Variants in SOHLH2 observed in about 807,000 individuals in gnomAD.
The protein encoded by SOHLH2 is spermatogenesis- and oogenesis-specific basic helix-loop-helix-containing protein 2.
SOHLH2 carries 22 observed loss-of-function variants against 50.4 expected under a neutral mutation model. The observed-to-expected ratio is 0.44, with a 90% confidence interval of 0.31 to 0.62. The LOEUF (loss-of-function observed/expected upper bound fraction) is 0.62. SOHLH2 is among the 20% of genes least tolerant of loss of function. SOHLH2 has a pLI of 0.08. For missense variants in SOHLH2, 412 were observed against 504.4 expected (o/e 0.82, Z 1.76); for synonymous variants, 185 against 187.3 (o/e 0.99, Z 0.10).
intron 1 of SOHLH2, among the ~76,000 whole-genome samples, chr13:36,204,975 T>C (rs1313872106): frequency 6.6e-6 from 1 of 152,234 alleles, no homozygotes; most frequent in Non-Finnish European, 1.5e-5. Flanking sequence ...TGTCCTAGCA[T>C]GTATTCCCAG....
intron 6 of SOHLH2, among the ~76,000 whole-genome samples, chr13:36,185,587 C>T (rs1476266273): frequency 1.3e-5 from 2 of 151,832 alleles, no homozygotes; most frequent in Non-Finnish European, 2.9e-5. Flanking sequence ...ATCTGCTTCA[C>T]TGAAAAAAAA....
At chr13:36,202,525 T>C (rs995656159) in intron 1 of SOHLH2, among the ~76,000 whole-genome samples, 4 of 152,236 alleles carry the variant, frequency 2.6e-5, no homozygotes, top group African/African-American at 9.6e-5. Context: ...CAGAGAAAGA[T>C]TTAAATTCCT....
chr13:36,197,536 C>T (rs749351748), intron 2 of SOHLH2, among the ~76,000 whole-genome samples: 5 of 152,118 alleles, frequency 3.3e-5, no homozygotes, highest in African/African-American at 1.2e-4. Context: ...ATGAAGCCTG[C>T]GGAAATTTCT....
chr13:36,181,664 C>A (rs758762316), intron 6 of SOHLH2, among the ~76,000 whole-genome samples: 1 of 152,120 alleles, frequency 6.6e-6, no homozygotes, highest in Admixed American at 6.5e-5. Flanking sequence ...ATGTTATAAA[C>A]CCCATGATAC....
At chr13:36,177,336 C>G (rs1487886135) in intron 6 of SOHLH2, among the ~76,000 whole-genome samples, 1 of 152,042 alleles carries the variant, frequency 6.6e-6, no homozygotes, top group Non-Finnish European at 1.5e-5. Flanking sequence ...TTGATGAACA[C>G]TTGGGCTGTT....
chr13:36,174,360 C>T (rs756416592), intron 8 of SOHLH2, 116 bp downstream of exon 8: 44 of 1,369,422 alleles, frequency 3.2e-5, no homozygotes, highest in Non-Finnish European at 3.5e-5. Context: ...AGTTCGCTGA[C>T]CCTTAATAAG....
chr13:36,205,148 C>T (rs1868673190), intron 1 of SOHLH2, among the ~76,000 whole-genome samples: 1 of 152,190 alleles, frequency 6.6e-6, no homozygotes, highest in Non-Finnish European at 1.5e-5. Context: ...ATAGTACTCT[C>T]TGTTCAGTTC....
intron 1 of SOHLH2, 91 bp from the exon 2 acceptor site, chr13:36,202,184 CAAAT>C: frequency 6.8e-7 from 1 of 1,461,428 alleles, no homozygotes; most frequent in Non-Finnish European, 9.3e-7. Context: ...ATAAAGCTCA[CAAAT>C]AACACAACAA....
At chr13:36,191,552 T>G (rs781039729) in intron 5 of SOHLH2, among the ~76,000 whole-genome samples, 7 of 152,226 alleles carry the variant, frequency 4.6e-5, no homozygotes, top group Non-Finnish European at 8.8e-5. Flanking sequence ...ACTCTAATAC[T>G]GATCATATTC....
chr13:36,198,403 C>T (rs551758371), intron 2 of SOHLH2, among the ~76,000 whole-genome samples: 1 of 152,156 alleles, frequency 6.6e-6, no homozygotes, highest in Non-Finnish European at 1.5e-5. Context: ...AAAACTTATC[C>T]AAGCCAAGAG....
At chr13:36,169,760 T>G (rs1886911850) in intron 10 of SOHLH2, among the ~76,000 whole-genome samples, 1 of 152,220 alleles carries the variant, frequency 6.6e-6, no homozygotes, top group Admixed American at 6.5e-5. Context: ...GGACTGCTCT[T>G]GCCTACTCAC....
At position 36,173,326 on chromosome 13, in the gene SOHLH2, G is replaced by T. The variant is rs528916656; in HGVS notation, c.1000+366C>A. On this transcript the variant is annotated intron_variant, in intron 9 of 10. Coordinates refer to ENST00000379881, the MANE Select transcript of SOHLH2 (RefSeq NM_017826.3). ...AGAAGATCTCTTTGAGAGGTGACAT[G>T]CAAGCAAAGGCATGAAGGAGGTAAA... 3.3e-5 allele frequency among the ~76,000 whole-genome samples: 5 copies of T among 152,294 alleles called. No homozygotes were observed. The South Asian group carries it at 1.0e-3, about 32-fold the overall frequency.
At chr13:36,188,809 C>T (rs778778235) in intron 6 of SOHLH2, among the ~76,000 whole-genome samples, 1 of 152,148 alleles carries the variant, frequency 6.6e-6, no homozygotes, top group African/African-American at 2.4e-5. Context: ...CCCTTCTCTA[C>T]GTGCTTCCCA....
intron 5 of SOHLH2, 95 bp downstream of exon 5, chr13:36,191,700 A>T: frequency 6.9e-7 from 1 of 1,443,578 alleles, no homozygotes; most frequent in Non-Finnish European, 9.6e-7. Flanking sequence ...AGGATTCTTA[A>T]GTACAGCAAA....
intron 6 of SOHLH2, chr13:36,182,789 A>T (rs1229857977): frequency 2.0e-5 from 3 of 152,238 alleles, no homozygotes; most frequent in African/African-American, 7.2e-5. Flanking sequence ...TCCACTACCA[A>T]GTTTCAGAGT....
At chr13:36,211,822 A>G (rs1869141663) in intron 1 of SOHLH2, among the ~76,000 whole-genome samples, 1 of 152,230 alleles carries the variant, frequency 6.6e-6, no homozygotes, top group Admixed American at 6.5e-5. Context: ...AGAACACAGA[A>G]AACGTCAAAT....
Position 36,181,149 on chromosome 13 carries a change from CAA to C in SOHLH2, c.642-6282_642-6281del, listed in dbSNP as rs1644897285. 2.0e-5 allele frequency among the ~76,000 whole-genome samples: 3 copies of C among 152,284 alleles called. No individual in the cohort carries two copies. In the South Asian group the frequency reaches 6.2e-4, roughly 32 times the overall value. Reference sequence around the variant, plus strand: ...TACCGCAGGTAATACTGTTTGTCTTCAAGTCTACTTTATTTGATATTAAAATA... The same window carrying C: ...TACCGCAGGTAATACTGTTTGTCTTCGTCTACTTTATTTGATATTAAAATA... On this transcript the variant is annotated intron_variant, in intron 6 of 10. Transcript: ENST00000379881.
intron 6 of SOHLH2, among the ~76,000 whole-genome samples, chr13:36,186,344 GACTTA>G (rs1887418520): frequency 6.6e-6 from 1 of 152,142 alleles, no homozygotes; most frequent in South Asian, 2.1e-4. Context: ...GATGGTAAAA[GACTTA>G]ACATTTTCCC....
chr13:36,178,969 T>TTTG (rs1461111479), intron 6 of SOHLH2, among the ~76,000 whole-genome samples: 3 of 152,190 alleles, frequency 2.0e-5, no homozygotes, highest in Non-Finnish European at 4.4e-5. Flanking sequence ...TCTGTAACCC[T>TTTG]GTTATAGTCA....
Sources: allele counts gnomAD v4.1 joint callset (sites outside exome capture counted in the v4.1 genomes callset), GRCh38; gene constraint gnomAD v4.1.1; transcripts MANE v1.5; gene names NCBI Gene and HGNC (gene_info 2026-07-23, HGNC 2026-07-21).